MEIS3: variants seen among roughly 807,000 people sequenced by gnomAD.
The protein encoded by MEIS3 is homeobox protein Meis3.
In MEIS3, 38 loss-of-function variants were observed where a neutral mutation model predicts 51.4. That is an observed-to-expected ratio of 0.74 (90% confidence interval 0.57 to 0.97). MEIS3 has a LOEUF of 0.97. Ranked by LOEUF, MEIS3 falls within the 50% of genes least tolerant of loss-of-function variation. The pLI is 0.00. For synonymous variants in MEIS3, 198 were observed against 201.8 expected, an observed-to-expected ratio of 0.98 and a Z score of 0.16; for missense variants, 456 against 502.6, an observed-to-expected ratio of 0.91 and a Z score of 0.89.
intron 6 of MEIS3, among the ~76,000 whole-genome samples, chr19:47,414,514 C>T (rs551696880): frequency 1.7e-4 from 26 of 152,210 alleles, no homozygotes; most frequent in Admixed American, 7.8e-4. Context: ...CGCTGGTGTG[C>T]GTGTGTCTGT....
chr19:47,409,603 C>T, intron 6 of MEIS3, 56 bp from the exon 7 acceptor site: 1 of 1,279,850 alleles, frequency 7.8e-7, no homozygotes, highest in Admixed American at 1.7e-5. Flanking sequence ...GTGGCTCACG[C>T]CTGTAATCCC....
In MEIS3 at chr19:47,409,560, A is replaced by T. The variant is rs1309479097; in HGVS notation, c.598-13T>A. ...TCCACATATTATTCTAGAAAACAAG[A>T]GTTAGAAGTTAGTGCCAAGGCGGCC... On this transcript the variant is annotated splice_polypyrimidine_tract_variant and intron_variant, in intron 6 of 12. Coordinates refer to ENST00000558555, the MANE Select transcript of MEIS3 (RefSeq NM_001301059.2). 1.2e-6 allele frequency: 2 copies of T among 1,602,572 alleles called. No homozygotes were observed. Among genetic ancestry groups the T allele is most frequent in the Admixed American group, 3.3e-5 (2 of 59,948 alleles).
In MEIS3 at chr19:47,406,934, G is replaced by A. The variant is rs777411843; in HGVS notation, c.1032C>T (p.Ile344=). The change falls in exon 11 of 13, where the codon ATC becomes ATT. Residue 344 remains isoleucine, a synonymous_variant. Transcript: ENST00000558555. ...GTGGCTGCGTCTCGGTATAGCCCCC[G>A]ATGGGCTGGCCCTCTGGGCTGAAGG... ...GAAFSPEGQP[I]GGYTETQPHV... The A allele has an allele frequency of 7.0e-6, 11 of 1,579,138 alleles. No individual in the cohort carries two copies. The South Asian group carries it at 1.2e-4, about 17-fold the overall frequency.
chr19:47,419,133 G>C lies in MEIS3; in HGVS notation c.-52C>G. 9 of 1,223,240 alleles carry C rather than the reference G, an allele frequency of 7.4e-6. No homozygotes were observed. Among genetic ancestry groups the C allele is most frequent in the Non-Finnish European group, 9.2e-6 (9 of 980,592 alleles). 75.8% of individuals were successfully genotyped at this position (1,223,240 alleles called of 1,614,324 possible). On this transcript the variant is annotated 5_prime_UTR_variant, in exon 1 of 13. Transcript: ENST00000558555. ...GTCCCTCCAGAGCCTGGCCGCGGGG[G>C]AGGGCGCAGCCCGGGGCCGCAGCCC...
intron 8 of MEIS3, among the ~76,000 whole-genome samples, chr19:47,408,008 T>C (rs1010151125): frequency 5.9e-5 from 9 of 152,204 alleles, no homozygotes; most frequent in African/African-American, 9.6e-5. Context: ...GGTTTTACCA[T>C]GTTGGCCAGG....
At chr19:47,414,653 C>T in intron 6 of MEIS3, 64 bp downstream of exon 6, 1 of 1,529,356 alleles carries the variant, frequency 6.5e-7, no homozygotes, top group African/African-American at 1.4e-5. Flanking sequence ...CACATGCGCC[C>T]TCATGCGGTG....
intron 12 of MEIS3, chr19:47,406,238 G>A (rs995078427): frequency 6.3e-6 from 3 of 477,010 alleles, no homozygotes; most frequent in African/African-American, 5.9e-5. Flanking sequence ...GGATGGGTGA[G>A]TGAGTGGGTA....
chr19:47,419,170 C>A lies in MEIS3; in HGVS notation c.-89G>T, dbSNP rs1223046845. ...CGGGGCCGCAGCCCCTGACGGCCCG[C>A]GGTGTTGACGCCAGGGGGTGGGCAG... On this transcript the variant is annotated 5_prime_UTR_variant, in exon 1 of 13. Coordinates refer to ENST00000558555, the MANE Select transcript of MEIS3 (RefSeq NM_001301059.2). The A allele has an allele frequency of 6.3e-6, 6 of 946,670 alleles. No individual in the cohort carries two copies. In the East Asian group the frequency reaches 1.7e-4, roughly 27 times the overall value. The allele number at this position is 946,670 out of a possible 1,614,324, so 58.6% of individuals were successfully genotyped here. A position where few individuals can be genotyped will look rare whatever the true frequency, so the allele number is the denominator to read the frequency against.
intron 9 of MEIS3, 85 bp downstream of exon 9, chr19:47,407,267 C>CGAGCA (rs1353046647): frequency 1.4e-5 from 21 of 1,513,640 alleles, no homozygotes; most frequent in Non-Finnish European, 1.7e-5. Context: ...AGTGGCTCTG[C>CGAGCA]GGGGCTCGGG....
intron 4 of MEIS3, among the ~76,000 whole-genome samples, chr19:47,415,310 A>G (rs1033043798): frequency 6.6e-6 from 1 of 152,072 alleles, no homozygotes; most frequent in Non-Finnish European, 1.5e-5. Context: ...GCCCAGAATT[A>G]AGGAAAGAGC....
intron 1 of MEIS3, chr19:47,418,781 G>A (rs1971586868): frequency 5.9e-6 from 2 of 341,656 alleles, no homozygotes; most frequent in Non-Finnish European, 1.0e-5. Flanking sequence ...GGGACAGAGA[G>A]GCAGAAAGGA....
chr19:47,417,863 C>CAGCCAT, intron 1 of MEIS3: 1 of 603,298 alleles, frequency 1.7e-6, no homozygotes. Flanking sequence ...CATGTAGACA[C>CAGCCAT]AGCCATACAC....
rs773279125 is a variant in MEIS3 at position 47,417,630 on chromosome 19, G to C, written c.13-280C>G. ...GGCAGGGTCTGGCTGGGAGGGAAAA[G>C]AGATGGAGAAAGTGGCGTGAGAAGA... On this transcript the variant is annotated intron_variant, in intron 1 of 12. Coordinates refer to ENST00000558555, the MANE Select transcript of MEIS3 (RefSeq NM_001301059.2). The C allele has an allele frequency of 4.0e-4, 279 of 702,888 alleles. 1 individual carries two copies. The highest frequency in any genetic ancestry group is 6.8e-4 in the Non-Finnish European group (260 of 385,070). The allele number at this position is 702,888 out of a possible 1,614,324, so 43.5% of individuals were successfully genotyped here.
intron 1 of MEIS3, 178 bp downstream of exon 1, chr19:47,418,892 G>A (rs1971592196): frequency 2.5e-6 from 1 of 403,626 alleles, no homozygotes; most frequent in African/African-American, 2.1e-5. Flanking sequence ...GAGACACTTG[G>A]GGGCAGAGAG....
rs1258595696 is a variant in MEIS3 at position 47,406,915 on chromosome 19, G to A, written c.1051C>T (p.Gln351Ter). Reference sequence around the variant, plus strand: ...GGAGGCCGGACGGCCACGTGTGGCTGCGTCTCGGTATAGCCCCCGATGGGC... The same window carrying A: ...GGAGGCCGGACGGCCACGTGTGGCTACGTCTCGGTATAGCCCCCGATGGGC... Reference protein sequence around the residue: ...GQPIGGYTETQPHVAVRPPGS... With the variant: ...GQPIGGYTET Residue 351 changes from glutamine (Q) to a stop codon, truncating the protein, a stop_gained, in exon 11 of 13, where the codon CAG (glutamine) becomes TAG (stop). Coordinates refer to ENST00000558555, the MANE Select transcript of MEIS3 (RefSeq NM_001301059.2). LOFTEE classifies it high-confidence loss of function. 1.3e-6 allele frequency: 2 copies of A among 1,578,772 alleles called. No homozygotes were observed. Among genetic ancestry groups the A allele is most frequent in the Admixed American group, 1.8e-5 (1 of 55,574 alleles).
At position 47,403,430 on chromosome 19, in the gene MEIS3, C is replaced by T. The variant is rs1970677937; in HGVS notation, c.*141G>A. 2.2e-6 allele frequency: 1 copy of T among 454,922 alleles called. No homozygotes were observed. The allele number at this position is 454,922 out of a possible 1,614,324, so 28.2% of individuals were successfully genotyped here. ...GATGGGCACTCAGGCCCCCATGTCC[C>T]AGCAGGGCCCTAGGGAGGTAGGCAT... On this transcript the variant is annotated 3_prime_UTR_variant, in exon 13 of 13. Coordinates refer to ENST00000558555, the MANE Select transcript of MEIS3 (RefSeq NM_001301059.2).
At chr19:47,410,258 G>A (rs1971063732) in intron 6 of MEIS3, among the ~76,000 whole-genome samples, 1 of 152,172 alleles carries the variant, frequency 6.6e-6, no homozygotes, top group African/African-American at 2.4e-5. Context: ...GACCAGCCTG[G>A]CCGACATGGT....
Position 47,417,264 on chromosome 19 carries a change from C to G in MEIS3, c.99G>C (p.Gly33=), listed in dbSNP as rs1971483252. 1 of 1,612,452 alleles carries G rather than the reference C, an allele frequency of 6.2e-7. No individual in the cohort carries two copies. The highest frequency in any genetic ancestry group is 8.5e-7 in the Non-Finnish European group (1 of 1,179,266). ...SFPETVPAVP[G]PYGPHRPPQP... is the part of the protein sequence containing the mutation. ...GGGGAGGCCGGTGCGGGCCATAGGGCCCTGGTACTGCGGGCACTGTCTCTG... is the reference window on the plus strand; with the variant it reads ...GGGGAGGCCGGTGCGGGCCATAGGGGCCTGGTACTGCGGGCACTGTCTCTG... Residue 33 remains glycine, a synonymous_variant, in exon 2 of 13, where the codon GGG becomes GGC. Coordinates refer to ENST00000558555, the MANE Select transcript of MEIS3 (RefSeq NM_001301059.2).
At chr19:47,406,314 GATGA>G in intron 12 of MEIS3, 142 bp downstream of exon 12, 1 of 593,126 alleles carries the variant, frequency 1.7e-6, no homozygotes, top group Non-Finnish European at 3.0e-6. Context: ...CGGACAGATG[GATGA>G]ATATCTTCCC....
Sources: gnomAD v4.1 joint callset for allele counts (sites outside exome capture counted in the v4.1 genomes callset) on GRCh38, gnomAD v4.1.1 for gene constraint, MANE v1.5 for transcripts, NCBI Gene and HGNC (gene_info 2026-07-23, HGNC 2026-07-21) for gene names.